Variants in CADPS observed in about 807,000 individuals in gnomAD.
The protein encoded by CADPS is calcium dependent secretion activator.
In CADPS, 57 loss-of-function variants were observed where a neutral mutation model predicts 167.3. That is an observed-to-expected ratio of 0.34 (90% CI 0.28 to 0.42). The LOEUF (loss-of-function observed/expected upper bound fraction) is 0.42, where lower values mean the gene tolerates loss of function less well. CADPS is among the 20% of genes least tolerant of loss of function. CADPS has a pLI of 1.00. For synonymous variants in CADPS, 676 were observed against 635.3 expected, an observed-to-expected ratio of 1.06 and a Z score of -0.96; for missense variants, 1,414 against 1,738.1, an observed-to-expected ratio of 0.81 and a Z score of 3.32.
chr3:62,739,140 T>A (rs940101741), intron 3 of CADPS, among the ~76,000 whole-genome samples: 1 of 152,206 alleles, frequency 6.6e-6, no homozygotes, highest in African/African-American at 2.4e-5. Flanking sequence ...AGCAACAGTA[T>A]GACAGTTCTG....
chr3:62,552,626 A>G (rs1490036832), intron 10 of CADPS, among the ~76,000 whole-genome samples: 2 of 152,152 alleles, frequency 1.3e-5, no homozygotes, highest in African/African-American at 4.8e-5. Flanking sequence ...TCTGTTTGAC[A>G]TTTGTCATTG....
At chr3:62,852,514 C>T (rs888146759) in intron 1 of CADPS, among the ~76,000 whole-genome samples, 16 of 152,066 alleles carry the variant, frequency 1.1e-4, no homozygotes, top group Admixed American at 1.0e-3. Context: ...ATAATGGCCC[C>T]ATCATGAGAC....
chr3:62,521,342 T>C (rs1033676430), intron 13 of CADPS, among the ~76,000 whole-genome samples: 3 of 152,208 alleles, frequency 2.0e-5, no homozygotes, highest in Non-Finnish European at 4.4e-5. Flanking sequence ...AAGAGATACA[T>C]GGTATTATTT....
intron 13 of CADPS, among the ~76,000 whole-genome samples, chr3:62,520,968 A>C (rs1341319973): frequency 6.6e-6 from 1 of 152,184 alleles, no homozygotes; most frequent in Non-Finnish European, 1.5e-5. Flanking sequence ...ATTAACTGAA[A>C]AATTCAGGTT....
intron 1 of CADPS, among the ~76,000 whole-genome samples, chr3:62,770,590 T>C (rs2088370362): frequency 6.6e-6 from 1 of 152,096 alleles, no homozygotes. Flanking sequence ...CACGCCCAGC[T>C]AATTTTTGTA....
At chr3:62,599,530 A>G (rs1445109389) in intron 6 of CADPS, among the ~76,000 whole-genome samples, 14 of 96,572 alleles carry the variant, frequency 1.4e-4, no homozygotes, top group Admixed American at 1.2e-3. Context: ...TTACATATAT[A>G]TTATATATAT....
intron 3 of CADPS, among the ~76,000 whole-genome samples, chr3:62,716,925 G>C (rs1430176076): frequency 6.6e-6 from 1 of 152,046 alleles, no homozygotes; most frequent in East Asian, 1.9e-4. Context: ...ATCAACGTTA[G>C]GAAGGCAGAG....
rs2069506205 is a variant in CADPS at position 62,518,330 on chromosome 3, G to A, written c.2292-80C>T. 3.8e-6 allele frequency: 4 copies of A among 1,051,002 alleles called. No homozygotes were observed. The East Asian group carries it at 7.2e-5, about 19-fold the overall frequency. 65.1% of individuals were successfully genotyped at this position (1,051,002 alleles called of 1,614,324 possible). A position where few individuals can be genotyped will look rare whatever the true frequency, so the allele number is the denominator to read the frequency against. ...ATCAAATCTCTAGCAGGAGGAAACT[G>A]TCCATTTTAGAAGAAACAACTACAG... On this transcript the variant is annotated intron_variant, in intron 13 of 29. Coordinates refer to ENST00000383710, the MANE Select transcript of CADPS (RefSeq NM_003716.4).
chr3:62,852,305 C>G (rs1331826312), intron 1 of CADPS, among the ~76,000 whole-genome samples: 1 of 152,180 alleles, frequency 6.6e-6, no homozygotes, highest in East Asian at 1.9e-4. Context: ...CAGCTTTGTT[C>G]CGTTGCTGGT....
chr3:62,408,485 G>T (rs76284581), intron 28 of CADPS, among the ~76,000 whole-genome samples: 1 of 152,106 alleles, frequency 6.6e-6, no homozygotes, highest in Non-Finnish European at 1.5e-5. Flanking sequence ...CCCCCTGGAA[G>T]GGATTAGGCT....
rs548326732 is a variant in CADPS, at chr3:62,742,414, T to C, written c.888+11027A>G. Among the ~76,000 whole-genome samples the C allele has an allele frequency of 9.2e-5, 14 of 152,170 alleles. No homozygotes were observed. In the South Asian group the frequency reaches 2.1e-3, roughly 23 times the overall value. ...ACAGTAACCAAAACAGCATTGTACT[T>C]GTAGAAAAACAGACACAAAGATGAA... On this transcript the variant is annotated intron_variant, in intron 3 of 29. Transcript: ENST00000383710.
chr3:62,495,197 C>A (rs966916656), intron 18 of CADPS, among the ~76,000 whole-genome samples: 2 of 152,020 alleles, frequency 1.3e-5, no homozygotes, highest in African/African-American at 2.4e-5. Context: ...TCTAGTGAAC[C>A]AAGAGAATTT....
intron 1 of CADPS, among the ~76,000 whole-genome samples, chr3:62,825,842 C>G (rs906161429): frequency 6.6e-6 from 1 of 152,152 alleles, no homozygotes; most frequent in Non-Finnish European, 1.5e-5. Context: ...CCAAGTCAAG[C>G]TTTCTCTCCT....
intron 1 of CADPS, among the ~76,000 whole-genome samples, chr3:62,781,149 G>T (rs572495908): frequency 9.1e-4 from 139 of 152,234 alleles, no homozygotes; most frequent in Non-Finnish European, 1.8e-3. Flanking sequence ...AAGAGGACAC[G>T]TACTGCTATA....
At chr3:62,570,745 A>G (rs2081139519) in intron 9 of CADPS, 127 bp downstream of exon 9, 1 of 710,002 alleles carries the variant, frequency 1.4e-6, no homozygotes, top group East Asian at 2.5e-5. Flanking sequence ...ACATGGATAT[A>G]TGTAAAAATT....
Position 62,399,529 on chromosome 3 carries a change from C to T in CADPS, c.3939G>A (p.Lys1313=), listed in dbSNP as rs762685092. 19 of 1,613,956 alleles carry T rather than the reference C, an allele frequency of 1.2e-5. No individual in the cohort carries two copies. The highest frequency in any genetic ancestry group is 1.6e-5 in the Non-Finnish European group (19 of 1,180,010). The change falls in exon 30 of 30, where the codon AAG becomes AAA. Residue 1313 remains lysine (K), a synonymous_variant. Coordinates refer to ENST00000383710, the MANE Select transcript of CADPS (RefSeq NM_003716.4). This position sits in a 1 kb window ranked among gnomAD's most constrained non-coding sequence, Gnocchi z 5.6. ...QGVLDSTLNS[K]TYETIRNRLT... ...GACGGTTCCGGATCGTTTCATAGGT[C>T]TTGCTGTTTAAGGTGGAGTCCAGGA...
intron 3 of CADPS, among the ~76,000 whole-genome samples, chr3:62,730,232 C>A (rs1464456922): frequency 2.6e-5 from 4 of 152,162 alleles, no homozygotes; most frequent in South Asian, 2.1e-4. Flanking sequence ...TGCTTCCCAA[C>A]TGGTGGTGAT....
At chr3:62,798,169 C>G (rs965104287) in intron 1 of CADPS, among the ~76,000 whole-genome samples, 1 of 152,104 alleles carries the variant, frequency 6.6e-6, no homozygotes. Context: ...GATTGGATTG[C>G]TCCTGGGTGT....
chr3:62,492,404 T>C lies in CADPS; in HGVS notation c.2770A>G (p.Thr924Ala). 6.2e-7 allele frequency: 1 copy of C among 1,614,080 alleles called. No homozygotes were observed. Among genetic ancestry groups the C allele is most frequent in the Non-Finnish European group, 8.5e-7 (1 of 1,179,954 alleles). The change falls in exon 20 of 30, where the codon ACG (threonine) becomes GCG (alanine). Residue 924 changes from threonine (T) to alanine (A), a missense_variant. Physicochemically the swap from Thr to Ala is moderately conservative, Grantham distance 58. This residue lies in a region of CADPS where 529 missense variants were observed against 629.6 expected (regional missense o/e 0.84). Transcript: ENST00000383710. Reference protein sequence around the residue: ...WSDLMVEHAETFLSLFAVDMD... With the variant: ...WSDLMVEHAEAFLSLFAVDMD... ...TCTACTGCAAAGAGTGACAGGAACG[T>C]CTCCGCATGCTCCACCATTAAATCT...
Sources: allele counts gnomAD v4.1 joint callset (sites outside exome capture counted in the v4.1 genomes callset), GRCh38; gene constraint gnomAD v4.1.1; regional missense constraint gnomAD v4.1.1; non-coding constraint Gnocchi (gnomAD v3.1); transcripts MANE v1.5; gene names NCBI Gene and HGNC (gene_info 2026-07-23, HGNC 2026-07-21).